NXNL2: variants seen among roughly 807,000 people sequenced by gnomAD.
The protein encoded by NXNL2 is nucleoredoxin like 2.
Under a neutral mutation model 11.1 loss-of-function variants are expected in NXNL2, and 7 were observed. That is an observed-to-expected ratio of 0.63 (90% CI 0.36 to 1.18). The LOEUF (loss-of-function observed/expected upper bound fraction) is 1.18, where lower values mean the gene tolerates loss of function less well. Among genes scored for constraint, NXNL2 ranks in the 50% most tolerant of loss-of-function variants. NXNL2 has a pLI of 0.02. For missense variants in NXNL2, 233 were observed against 217.7 expected (o/e 1.07, Z -0.44); for synonymous variants, 109 against 101.8 (o/e 1.07, Z -0.42).
At position 88,569,089 on chromosome 9, in the gene NXNL2, G is replaced by A. The variant is rs552512109; in HGVS notation, c.303-1998G>A. On this transcript the variant is annotated intron_variant, in intron 1 of 2. Transcript: ENST00000375855. The stretch of plus-strand genomic sequence containing the variant: ...ATACAGGCATGCACCGCCACACCAG[G>A]ATAATTTTTTTGTATTTTTTTTGTA... Among the ~76,000 whole-genome samples the A allele has an allele frequency of 1.6e-3, 244 of 152,160 alleles. 1 individual carries two copies. The highest frequency in any genetic ancestry group is 5.7e-3 in the African/African-American group (235 of 41,514).
chr9:88,568,453 T>C (rs12346988), intron 1 of NXNL2, among the ~76,000 whole-genome samples: 47,734 of 151,962 alleles, frequency 0.31, 11,754 homozygotes, highest in East Asian at 0.87. Flanking sequence ...AGAGGCAGGC[T>C]TGGTGCCACT....
At chr9:88,552,748 C>T (rs1396832749) in intron 1 of NXNL2, among the ~76,000 whole-genome samples, 1 of 152,184 alleles carries the variant, frequency 6.6e-6, no homozygotes, top group East Asian at 1.9e-4. Flanking sequence ...GGATTACAGG[C>T]ATGAGCCACC....
rs1483600966 is a variant in NXNL2 at position 88,582,634 on chromosome 9, C to T, written n.552-1365C>T. 7.3e-5 allele frequency among the ~76,000 whole-genome samples: 11 copies of T among 150,574 alleles called. 1 individual carries two copies. In the South Asian group the frequency reaches 1.5e-3, roughly 20 times the overall value. ...TTTCTTCCTTCCTTCCTTCCTCCCT[C>T]CTCCCCTCCCTCCCTCCCTCTCTCT... On this transcript the variant is annotated intron_variant and non_coding_transcript_variant, in intron 1 of 1. Transcript: ENST00000478686.
downstream of NXNL2, among the ~76,000 whole-genome samples, chr9:88,546,013 C>A (rs1020428667): frequency 1.3e-5 from 2 of 152,088 alleles, no homozygotes; most frequent in Non-Finnish European, 2.9e-5. Context: ...GTGATCCACC[C>A]GCCTCGGCCT....
Position 88,544,901 on chromosome 9 carries a change from T to C in NXNL2, c.*354T>C, listed in dbSNP as rs1025118604. ...AATAATATATTTATTGATAACATTTTCTGGCGATCTGTTTATTTTAATGGT... is the reference window on the plus strand; with the variant it reads ...AATAATATATTTATTGATAACATTTCCTGGCGATCTGTTTATTTTAATGGT... On this transcript the variant is annotated 3_prime_UTR_variant, in exon 2 of 2. Transcript: ENST00000375854. The C allele has an allele frequency of 1.0e-6, 1 of 993,014 alleles. No homozygotes were observed. The highest frequency in any genetic ancestry group is 1.7e-5 in the African/African-American group (1 of 57,576). The allele number at this position is 993,014 out of a possible 1,614,324, so 61.5% of individuals were successfully genotyped here.
At chr9:88,556,831 A>G (rs1238904805) in intron 1 of NXNL2, among the ~76,000 whole-genome samples, 1 of 152,088 alleles carries the variant, frequency 6.6e-6, no homozygotes, top group Non-Finnish European at 1.5e-5. Context: ...TAATCCCAGC[A>G]CTTTGGAAGG....
chr9:88,559,356 G>A (rs570280813), intron 1 of NXNL2, among the ~76,000 whole-genome samples: 1 of 152,272 alleles, frequency 6.6e-6, no homozygotes, highest in South Asian at 2.1e-4. Flanking sequence ...ATGATGCTGG[G>A]CTCTAATGAC....
At chr9:88,566,123 C>G (rs968355663) in intron 1 of NXNL2, among the ~76,000 whole-genome samples, 2 of 152,026 alleles carry the variant, frequency 1.3e-5, no homozygotes, top group African/African-American at 4.8e-5. Flanking sequence ...GATATTTTCT[C>G]CCATTGCATA....
At chr9:88,570,310 G>C (rs1204025340) in intron 1 of NXNL2, among the ~76,000 whole-genome samples, 3 of 152,064 alleles carry the variant, frequency 2.0e-5, no homozygotes, top group Non-Finnish European at 2.9e-5. Context: ...TAGAGATGAG[G>C]TTTCACCATG....
chr9:88,557,989 T>C (rs1830040107), intron 1 of NXNL2, among the ~76,000 whole-genome samples: 2 of 152,198 alleles, frequency 1.3e-5, no homozygotes, highest in South Asian at 2.1e-4. Context: ...CTGTGAAATA[T>C]ATATTTGGGC....
intron 1 of NXNL2, among the ~76,000 whole-genome samples, chr9:88,544,093 C>G (rs991212582): frequency 6.6e-6 from 1 of 152,168 alleles, no homozygotes; most frequent in Non-Finnish European, 1.5e-5. Flanking sequence ...ATCGCTTGAA[C>G]GTGGGAGGTG....
chr9:88,550,904 G>A (rs151216086), intron 1 of NXNL2, among the ~76,000 whole-genome samples: 109 of 152,260 alleles, frequency 7.2e-4, no homozygotes, highest in African/African-American at 2.6e-3. Flanking sequence ...AGACTTCCTT[G>A]GCTATTGTGT....
chr9:88,564,286 T>TATC (rs1830134978), intron 1 of NXNL2, among the ~76,000 whole-genome samples: 109 of 20,188 alleles, frequency 5.4e-3, no homozygotes, highest in African/African-American at 0.02. Flanking sequence ...ATCTATCTAT[T>TATC]ATCTATCTAT....
downstream of NXNL2, among the ~76,000 whole-genome samples, chr9:88,580,446 T>C (rs1045750908): frequency 3.9e-5 from 6 of 152,180 alleles, no homozygotes; most frequent in African/African-American, 1.4e-4. Flanking sequence ...CTGGCCAAAA[T>C]TGATCATTTC....
Position 88,535,593 on chromosome 9 carries a change from G to GGCGCTGGTGGCCGAGGC in NXNL2, c.163_179dup (p.Arg61TrpfsTer49). On this transcript the variant is annotated frameshift_variant, in exon 1 of 2. Coordinates refer to ENST00000375854, the MANE Select transcript of NXNL2 (RefSeq NM_001161625.2). LOFTEE classifies it high-confidence loss of function. ...CGCCGCTGCTCTGCGACTTCTATACGGCGCTGGTGGCCGAGGCGCGGCGGC... is the reference window on the plus strand; with the variant it reads ...CGCCGCTGCTCTGCGACTTCTATACGGCGCTGGTGGCCGAGGCGCGCTGGTGGCCGAGGCGCGGCGGC... The GGCGCTGGTGGCCGAGGC allele has an allele frequency of 6.2e-7, 1 of 1,609,426 alleles. No individual in the cohort carries two copies. The highest frequency in any genetic ancestry group is 8.5e-7 in the Non-Finnish European group (1 of 1,179,308).
rs540421779 is a variant in NXNL2, at chr9:88,566,158, GT to G, written c.303-4925del. ...AGGTTGCCTTTTCACTCTGTTGATT[GT>G]TTTCTTTGCTGTGTTGAAGCTTTTT... On this transcript the variant is annotated intron_variant, in intron 1 of 2. Coordinates refer to the NXNL2 transcript ENST00000375855. Among the ~76,000 whole-genome samples the G allele has an allele frequency of 2.1e-3, 326 of 152,200 alleles. 2 individuals are homozygous for G. Among genetic ancestry groups the G allele is most frequent in the African/African-American group, 4.8e-3 (201 of 41,542 alleles).
chr9:88,565,240 A>T (rs758144738), intron 1 of NXNL2, among the ~76,000 whole-genome samples: 7 of 152,178 alleles, frequency 4.6e-5, no homozygotes, highest in Non-Finnish European at 1.0e-4. Flanking sequence ...TGTGTACCAC[A>T]TGTTTTATCC....
chr9:88,550,260 T>C (rs758539730), intron 1 of NXNL2, among the ~76,000 whole-genome samples: 8 of 151,982 alleles, frequency 5.3e-5, no homozygotes, highest in Non-Finnish European at 7.4e-5. Context: ...CCTCCAACAA[T>C]GGGAGTTACA....
chr9:88,560,644 T>C (rs1019850610), intron 1 of NXNL2, among the ~76,000 whole-genome samples: 1 of 152,066 alleles, frequency 6.6e-6, no homozygotes, highest in Non-Finnish European at 1.5e-5. Flanking sequence ...TGCTGTGCAT[T>C]GTAAATCCCT....
Sources: allele counts gnomAD v4.1 joint callset (sites outside exome capture counted in the v4.1 genomes callset), GRCh38; gene constraint gnomAD v4.1.1; transcripts MANE v1.5; gene names NCBI Gene and HGNC (gene_info 2026-07-23, HGNC 2026-07-21).